Variants in CHL1 observed in about 807,000 individuals in gnomAD.
CHL1 encodes the protein cell adhesion molecule L1 like.
A neutral mutation model predicts 141.9 loss-of-function variants in CHL1; 96 were observed. That is an observed-to-expected ratio of 0.68 (90% CI 0.57 to 0.80). The LOEUF is 0.80. Among genes scored for constraint, CHL1 ranks in the 30% least tolerant of loss-of-function variants. CHL1 has a pLI of 0.00. For synonymous variants in CHL1, 613 were observed against 502.2 expected, an observed-to-expected ratio of 1.22 and a Z score of -2.95; for missense variants, 1,820 against 1,457.2, an observed-to-expected ratio of 1.25 and a Z score of -4.05.
chr3:297,764 AG>A (rs1698328533), intron 2 of CHL1, among the ~76,000 whole-genome samples: 1 of 152,212 alleles, frequency 6.6e-6, no homozygotes, highest in Admixed American at 6.5e-5. Context: ...TTAGCTTCAA[AG>A]AGAGCTCCGT....
chr3:226,803 A>T (rs1701395322), intron 1 of CHL1, among the ~76,000 whole-genome samples: 1 of 152,102 alleles, frequency 6.6e-6, no homozygotes, highest in African/African-American at 2.4e-5. Context: ...ATCATTCTCC[A>T]AAATGTTGCC....
At chr3:233,138 A>G (rs929290477) in intron 1 of CHL1, among the ~76,000 whole-genome samples, 2 of 152,096 alleles carry the variant, frequency 1.3e-5, no homozygotes, top group Non-Finnish European at 2.9e-5. Context: ...GTCATTTCTT[A>G]CTACAAATCC....
chr3:278,416 G>A (rs1696345912), intron 2 of CHL1, among the ~76,000 whole-genome samples: 1 of 152,184 alleles, frequency 6.6e-6, no homozygotes, highest in South Asian at 2.1e-4. Context: ...GATGCCATGA[G>A]TTAATTTCAT....
chr3:213,252 T>G (rs2124919902), intron 1 of CHL1: 1 of 152,354 alleles, frequency 6.6e-6, no homozygotes, highest in South Asian at 2.1e-4. Context: ...CCATGATGCG[T>G]TCACCTATGT....
chr3:201,695 A>T (rs1286719479), intron 1 of CHL1, among the ~76,000 whole-genome samples: 1 of 152,186 alleles, frequency 6.6e-6, no homozygotes, highest in Non-Finnish European at 1.5e-5. Context: ...AGAATGATAA[A>T]TGCATTGAAC....
At chr3:276,664 C>G (rs12630204) in intron 2 of CHL1, among the ~76,000 whole-genome samples, 1 of 151,508 alleles carries the variant, frequency 6.6e-6, no homozygotes, top group Non-Finnish European at 1.5e-5. Context: ...CCGAGGGGGG[C>G]GGATCACGAG....
At position 391,700 on chromosome 3, in the gene CHL1, G is replaced by T. The variant is rs752050514; in HGVS notation, c.2817G>T (p.Lys939Asn). The change falls in exon 23 of 28, where the codon AAG (lysine) becomes AAT (asparagine). Residue 939 changes from lysine to asparagine, a missense_variant. Lys to Asn is a moderately conservative substitution (Grantham distance 94, BLOSUM62 0). Transcript: ENST00000256509. ...EGVPEQPTFLKVIKVDKDTAT... is the reference protein window; with the variant it reads ...EGVPEQPTFLNVIKVDKDTAT... ...TACCTGAACAGCCAACTTTTCTAAAGGTCATCAAAGTTGATAAAGACACTG... is the reference window on the plus strand; with the variant it reads ...TACCTGAACAGCCAACTTTTCTAAATGTCATCAAAGTTGATAAAGACACTG... 3.1e-6 allele frequency: 5 copies of T among 1,605,492 alleles called. No individual in the cohort carries two copies. In the East Asian group the frequency reaches 1.1e-4, roughly 36 times the overall value.
chr3:210,896 G>T (rs1262193815), intron 1 of CHL1, among the ~76,000 whole-genome samples: 1 of 152,188 alleles, frequency 6.6e-6, no homozygotes, highest in East Asian at 1.9e-4. Context: ...GAAGTGCCCT[G>T]GTTTTGTCTG....
intron 2 of CHL1, among the ~76,000 whole-genome samples, chr3:264,141 G>A (rs1694970357): frequency 1.3e-5 from 2 of 152,152 alleles, no homozygotes; most frequent in African/African-American, 4.8e-5. Flanking sequence ...ATGAGTTGAA[G>A]GAGTCTTTTT....
intron 2 of CHL1, among the ~76,000 whole-genome samples, chr3:255,340 A>G (rs1238483063): frequency 6.6e-6 from 1 of 152,210 alleles, no homozygotes; most frequent in Admixed American, 6.5e-5. Context: ...CTAGAGTTTC[A>G]TGTGATCATA....
intron 23 of CHL1, among the ~76,000 whole-genome samples, chr3:393,664 G>T (rs1410460486): frequency 1.3e-5 from 2 of 151,902 alleles, no homozygotes; most frequent in Non-Finnish European, 2.9e-5. Context: ...ATTTTAAATT[G>T]TTGCAATTTA....
chr3:365,119 G>C (rs1446820128), intron 14 of CHL1, among the ~76,000 whole-genome samples: 2 of 152,136 alleles, frequency 1.3e-5, no homozygotes. Flanking sequence ...CAATATCAGA[G>C]TATAATTATA....
At chr3:341,378 A>G (rs13086886) in intron 6 of CHL1, among the ~76,000 whole-genome samples, 24,460 of 152,176 alleles carry the variant, frequency 0.16, 2,474 homozygotes, top group Non-Finnish European at 0.23. Flanking sequence ...TTTGCACAGC[A>G]CTCAGAAGAA....
intron 2 of CHL1, among the ~76,000 whole-genome samples, chr3:287,365 CT>C (rs1697256086): frequency 6.6e-6 from 1 of 152,140 alleles, no homozygotes; most frequent in Non-Finnish European, 1.5e-5. Context: ...TGTTGAAGAA[CT>C]TTTCCTGCAA....
At chr3:320,884 A>G (rs1700511487) in intron 3 of CHL1, among the ~76,000 whole-genome samples, 1 of 152,024 alleles carries the variant, frequency 6.6e-6, no homozygotes, top group Non-Finnish European at 1.5e-5. Context: ...CATCTTCTGT[A>G]TATAATTTGG....
intron 12 of CHL1, among the ~76,000 whole-genome samples, chr3:360,968 C>T (rs1704191753): frequency 6.6e-6 from 1 of 151,764 alleles, no homozygotes; most frequent in South Asian, 2.1e-4. Context: ...ATATGTGCCA[C>T]ATTTTCTTAA....
intron 16 of CHL1, among the ~76,000 whole-genome samples, chr3:380,824 C>G (rs1276301569): frequency 6.6e-6 from 1 of 152,086 alleles, no homozygotes; most frequent in African/African-American, 2.4e-5. Flanking sequence ...AATAATTATA[C>G]ACATGATTGA....
intron 3 of CHL1, 69 bp downstream of exon 3, chr3:319,936 C>G: frequency 2.4e-6 from 2 of 844,824 alleles, no homozygotes; most frequent in Non-Finnish European, 3.8e-6. Context: ...AAGTAGAATA[C>G]TTATGGATTG....
intron 1 of CHL1, among the ~76,000 whole-genome samples, chr3:234,993 CTATTAT>C (rs67249915): frequency 3.4e-5 from 5 of 148,282 alleles, no homozygotes; most frequent in African/African-American, 9.8e-5. Context: ...TTTTTTATTA[CTATTAT>C]TATTATTATT....
Sources: gnomAD v4.1 joint callset for allele counts (sites outside exome capture counted in the v4.1 genomes callset) on GRCh38, gnomAD v4.1.1 for gene constraint, MANE v1.5 for transcripts, NCBI Gene and HGNC (gene_info 2026-07-23, HGNC 2026-07-21) for gene names.